The following SGK3 variants were observed in gnomAD, a reference collection of about 807,000 sequenced individuals.
The protein encoded by SGK3 is serine/threonine-protein kinase Sgk3.
Under a neutral mutation model 68.5 loss-of-function variants are expected in SGK3, and 47 were observed. That is an observed-to-expected ratio of 0.69 (90% CI 0.54 to 0.87). The LOEUF (loss-of-function observed/expected upper bound fraction) is 0.87. Among genes scored for constraint, SGK3 ranks in the 40% least tolerant of loss-of-function variants. SGK3 has a pLI of 0.00. For missense variants in SGK3, 479 were observed against 575.5 expected, an observed-to-expected ratio of 0.83 and a Z score of 1.72; for synonymous variants, 181 against 189.1, an observed-to-expected ratio of 0.96 and a Z score of 0.35.
intron 1 of SGK3, among the ~76,000 whole-genome samples, chr8:66,740,644 C>G (rs1264703557): frequency 4.6e-5 from 7 of 152,198 alleles, no homozygotes; most frequent in Non-Finnish European, 1.0e-4. Context: ...CAGTGGCTTA[C>G]ACCTGTAATC....
intron 4 of SGK3, among the ~76,000 whole-genome samples, chr8:66,810,225 CA>C (rs942203678): frequency 7.1e-6 from 1 of 140,202 alleles, no homozygotes. Context: ...CCCCCCACAC[CA>C]AAAAAAACAA....
intron 16 of SGK3, among the ~76,000 whole-genome samples, chr8:66,854,427 G>A (rs376772302): frequency 1.1e-4 from 16 of 152,142 alleles, no homozygotes; most frequent in African/African-American, 2.2e-4. Flanking sequence ...TGCCCTGAAG[G>A]GGGTAGATGT....
intron 15 of SGK3, 134 bp from the exon 16 acceptor site, chr8:66,850,697 C>T: frequency 1.3e-6 from 1 of 796,710 alleles, no homozygotes; most frequent in African/African-American, 1.7e-5. Context: ...TTTTGCCACA[C>T]AAATAACATA....
chr8:66,826,589 T>C (rs1048071636), intron 6 of SGK3, among the ~76,000 whole-genome samples: 4 of 152,152 alleles, frequency 2.6e-5, no homozygotes, highest in African/African-American at 9.7e-5. Context: ...TAAATTTGAA[T>C]TGTAACTACA....
At chr8:66,778,456 T>C (rs568940691) in intron 1 of SGK3, among the ~76,000 whole-genome samples, 7 of 152,048 alleles carry the variant, frequency 4.6e-5, no homozygotes, top group Admixed American at 2.0e-4. Context: ...GCCACCACGC[T>C]CGGCTAATTT....
At chr8:66,805,071 C>T (rs1192608718) in intron 4 of SGK3, among the ~76,000 whole-genome samples, 1 of 150,744 alleles carries the variant, frequency 6.6e-6, no homozygotes, top group Non-Finnish European at 1.5e-5. Flanking sequence ...AGAGCGAGAC[C>T]CTATTAAAAA....
intron 1 of SGK3, among the ~76,000 whole-genome samples, chr8:66,744,536 T>TG (rs1384667840): frequency 0.028 from 3,393 of 122,354 alleles, 258 homozygotes; most frequent in African/African-American, 0.059. Flanking sequence ...TTTTTTTTTT[T>TG]TTTTTTTTTA....
rs1372294516 is a variant in SGK3, at chr8:66,717,813, CG to C, written c.-122+4981del. 2.0e-5 allele frequency among the ~76,000 whole-genome samples: 3 copies of C among 152,098 alleles called. No homozygotes were observed. The East Asian group carries it at 5.8e-4, about 29-fold the overall frequency. ...CCACCTCCCAGGTTCAAGCGATTCT[CG>C]TGCTTCAGCCTTCTGAGAAGCTGGG... On this transcript the variant is annotated intron_variant, in intron 1 of 16. Coordinates refer to ENST00000521198, the MANE Select transcript of SGK3 (RefSeq NM_001033578.3).
Position 66,796,938 on chromosome 8 carries a change from CTTG to C in SGK3, c.97-1601_97-1599del, listed in dbSNP as rs1471347630. The stretch of plus-strand genomic sequence containing the variant: ...CTAAGGATTTCACAGGAAATCTAAT[CTTG>C]TTTTTTTTTTTTTTACCAATGGAAA... On this transcript the variant is annotated intron_variant, in intron 2 of 16. Transcript: ENST00000521198. Among the ~76,000 whole-genome samples the C allele has an allele frequency of 2.6e-4, 38 of 143,772 alleles. No homozygotes were observed. The East Asian group carries it at 6.9e-3, about 26-fold the overall frequency. The allele number at this position is 143,772 out of a possible 152,430, so 94.3% of individuals were successfully genotyped here.
At chr8:66,804,910 T>G (rs1452494398) in intron 4 of SGK3, among the ~76,000 whole-genome samples, 1 of 151,784 alleles carries the variant, frequency 6.6e-6, no homozygotes, top group Admixed American at 6.6e-5. Context: ...GGCAACCTCA[T>G]CTCTACAAAA....
chr8:66,722,223 T>TTA (rs1168626571), intron 1 of SGK3, among the ~76,000 whole-genome samples: 11 of 152,182 alleles, frequency 7.2e-5, no homozygotes, highest in African/African-American at 2.7e-4. Context: ...GAGTAAAGGC[T>TTA]TATTTTCTCA....
At chr8:66,731,837 T>C (rs1805165624) in intron 1 of SGK3, among the ~76,000 whole-genome samples, 1 of 152,162 alleles carries the variant, frequency 6.6e-6, no homozygotes, top group South Asian at 2.1e-4. Flanking sequence ...CCCGGCCGGG[T>C]ATTAACATTT....
intron 2 of SGK3, among the ~76,000 whole-genome samples, chr8:66,794,983 C>G (rs1340730326): frequency 6.6e-6 from 1 of 152,234 alleles, no homozygotes; most frequent in Non-Finnish European, 1.5e-5. Flanking sequence ...GACTCAGTAC[C>G]TTGGCCCTTG....
chr8:66,723,032 A>G (rs1410697493), intron 1 of SGK3, among the ~76,000 whole-genome samples: 4 of 144,352 alleles, frequency 2.8e-5, no homozygotes, highest in Non-Finnish European at 6.0e-5. Flanking sequence ...GGCAGAAACA[A>G]ATATCCAAAC....
At chr8:66,833,553 G>C (rs1239497665) in intron 8 of SGK3, among the ~76,000 whole-genome samples, 2 of 152,096 alleles carry the variant, frequency 1.3e-5, no homozygotes, top group Non-Finnish European at 2.9e-5. Context: ...AATTTGATTG[G>C]GATGGCATTG....
intron 4 of SGK3, among the ~76,000 whole-genome samples, chr8:66,810,027 A>G (rs778438013): frequency 1.1e-4 from 16 of 152,292 alleles, no homozygotes; most frequent in Middle Eastern, 3.4e-3. Context: ...ATGCCATTAC[A>G]TCCACCATAT....
intron 13 of SGK3, 145 bp from the exon 14 acceptor site, chr8:66,843,307 T>G: frequency 9.5e-5 from 64 of 670,850 alleles, no homozygotes; most frequent in East Asian, 1.7e-4. Flanking sequence ...TGGTGTAGAA[T>G]GAGAATATCC....
Position 66,816,833 on chromosome 8 carries a change from T to C in SGK3, c.329+2905T>C, listed in dbSNP as rs541595152. 2.0e-5 allele frequency among the ~76,000 whole-genome samples: 3 copies of C among 152,196 alleles called. No homozygotes were observed. The South Asian group carries it at 6.2e-4, about 32-fold the overall frequency. On this transcript the variant is annotated intron_variant, in intron 5 of 16. Coordinates refer to ENST00000521198, the MANE Select transcript of SGK3 (RefSeq NM_001033578.3). Reference sequence around the variant, plus strand: ...CTGTTAAGGAAACGTACTTTATTTTTATTTTTTATGTTTTTGAGACAGACT... The same window carrying C: ...CTGTTAAGGAAACGTACTTTATTTTCATTTTTTATGTTTTTGAGACAGACT...
At chr8:66,787,407 C>A (rs1807253248) in intron 1 of SGK3, among the ~76,000 whole-genome samples, 2 of 152,192 alleles carry the variant, frequency 1.3e-5, no homozygotes, top group African/African-American at 2.4e-5. Context: ...CTTAAAGCAA[C>A]CATATGAAGT....
Sources: gnomAD v4.1 joint callset for allele counts (sites outside exome capture counted in the v4.1 genomes callset) on GRCh38, gnomAD v4.1.1 for gene constraint, MANE v1.5 for transcripts, NCBI Gene and HGNC (gene_info 2026-07-23, HGNC 2026-07-21) for gene names.